Variants in NADK2 observed in about 807,000 individuals in gnomAD.
NADK2 encodes the protein NAD kinase domain-containing protein 1, mitochondrial.
A neutral mutation model predicts 62.1 loss-of-function variants in NADK2; 35 were observed. That is an observed-to-expected ratio of 0.56 (90% CI 0.43 to 0.75). The LOEUF is 0.75. NADK2 is among the 30% of genes least tolerant of loss of function. The pLI is 0.00. For synonymous variants in NADK2, 205 were observed against 207.9 expected, an observed-to-expected ratio of 0.99 and a Z score of 0.12; for missense variants, 439 against 561.3, an observed-to-expected ratio of 0.78 and a Z score of 2.20.
chr5:36,216,388 CTT>C (rs748575978), intron 6 of NADK2, among the ~76,000 whole-genome samples: 150 of 152,176 alleles, frequency 9.9e-4, no homozygotes, highest in Non-Finnish European at 1.2e-3. Context: ...TCTCTTCACT[CTT>C]GTTTCCTTTG....
chr5:36,227,536 TC>T lies in NADK2; in HGVS notation c.329del (p.Gly110AspfsTer13). On this transcript the variant is annotated frameshift_variant, in exon 2 of 12. Transcript: ENST00000381937. LOFTEE classifies it high-confidence loss of function. Reference sequence around the variant, plus strand: ...TGTGAATATGATGTCGTTCAAGAAGTCCACTGTAACTAGAGCCTTTCAATGC... The same window carrying T: ...TGTGAATATGATGTCGTTCAAGAAGTCACTGTAACTAGAGCCTTTCAATGC... ...LLALKGSSYS[G>X]LLERHHIHTK... 6.4e-7 allele frequency: 1 copy of T among 1,557,894 alleles called. No homozygotes were observed. Among genetic ancestry groups the T allele is most frequent in the Non-Finnish European group, 8.7e-7 (1 of 1,151,348 alleles).
At chr5:36,217,196 A>C (rs750599391) in intron 6 of NADK2, among the ~76,000 whole-genome samples, 1 of 152,168 alleles carries the variant, frequency 6.6e-6, no homozygotes, top group South Asian at 2.1e-4. Flanking sequence ...TTGCATCAAT[A>C]AAGTCCTACA....
chr5:36,198,806 G>A (rs1003960269), intron 10 of NADK2, among the ~76,000 whole-genome samples: 2 of 151,780 alleles, frequency 1.3e-5, no homozygotes, highest in African/African-American at 4.8e-5. Context: ...CTCAAATTGA[G>A]TGAAGGAGAC....
At chr5:36,198,070 A>T (rs974847692) in intron 10 of NADK2, among the ~76,000 whole-genome samples, 3 of 148,682 alleles carry the variant, frequency 2.0e-5, no homozygotes, top group African/African-American at 7.3e-5. Flanking sequence ...AACGATGATA[A>T]TAAGCAAACA....
chr5:36,224,050 G>T (rs1747379469), intron 4 of NADK2, among the ~76,000 whole-genome samples: 1 of 152,158 alleles, frequency 6.6e-6, no homozygotes, highest in African/African-American at 2.4e-5. Flanking sequence ...GATAAGGGAA[G>T]CAAAGTGAAT....
At chr5:36,197,768 G>C in intron 10 of NADK2, 104 bp from the exon 11 acceptor site, 2 of 969,138 alleles carry the variant, frequency 2.1e-6, no homozygotes, top group Non-Finnish European at 1.4e-6. Flanking sequence ...TGTTCCAAAA[G>C]TATATTTGGG....
chr5:36,197,511 ACAGT>A lies in NADK2; in HGVS notation c.1190+26_1190+29del, dbSNP rs1216928199. The A allele has an allele frequency of 1.9e-6, 3 of 1,611,588 alleles. No individual in the cohort carries two copies. The South Asian group carries it at 3.3e-5, about 18-fold the overall frequency. ...CTTTGTAACAATGAAAGGGATGAAA[ACAGT>A]CAGAAGTCAGATTGAGGATGCTTAC... On this transcript the variant is annotated intron_variant, in intron 11 of 11. Transcript: ENST00000381937.
intron 11 of NADK2, among the ~76,000 whole-genome samples, 187 bp downstream of exon 11, chr5:36,197,354 A>T (rs933571013): frequency 1.3e-5 from 2 of 152,092 alleles, no homozygotes; most frequent in African/African-American, 4.8e-5. Context: ...TGGCACAATG[A>T]GTGTAAAAGA....
At chr5:36,203,429 G>T (rs546158247) in intron 8 of NADK2, among the ~76,000 whole-genome samples, 1 of 152,074 alleles carries the variant, frequency 6.6e-6, no homozygotes, top group African/African-American at 2.4e-5. Context: ...CATAGCAAAA[G>T]AATCATCAGT....
chr5:36,210,367 C>T (rs1441166204), intron 7 of NADK2, among the ~76,000 whole-genome samples: 4 of 152,112 alleles, frequency 2.6e-5, no homozygotes, highest in Admixed American at 2.6e-4. Flanking sequence ...ACAGCTTCTG[C>T]CGGTAATGAA....
chr5:36,225,509 C>A (rs747488592), intron 4 of NADK2, 33 bp downstream of exon 4: 1 of 1,579,758 alleles, frequency 6.3e-7, no homozygotes, highest in Middle Eastern at 1.7e-4. Context: ...GCACACCACA[C>A]AAATCAAACA....
rs1375499530 is a variant in NADK2 at position 36,205,982 on chromosome 5, T to C, written c.956+1188A>G. On this transcript the variant is annotated intron_variant, in intron 8 of 11. Coordinates refer to ENST00000381937, the MANE Select transcript of NADK2 (RefSeq NM_001085411.3). The surrounding 1 kb of genome is among the most constrained non-coding windows in gnomAD (Gnocchi z 4.1). ...GCAGCCATAAAAAAGAATGAGTTCA[T>C]GTCCTTTGTAGGGATATGGATGAAG... Among the ~76,000 whole-genome samples the C allele has an allele frequency of 6.6e-6, 1 of 152,168 alleles. No homozygotes were observed. The highest frequency in any genetic ancestry group is 2.4e-5 in the African/African-American group (1 of 41,434).
chr5:36,241,817 C>A lies in NADK2; in HGVS notation c.-19G>T. On this transcript the variant is annotated 5_prime_UTR_variant, in exon 1 of 12. Coordinates refer to ENST00000381937, the MANE Select transcript of NADK2 (RefSeq NM_001085411.3). The surrounding 1 kb of genome is among the most constrained non-coding windows in gnomAD (Gnocchi z 4.9). ...AAGTCATCGTGGGCCGGGCCGCGGC[C>A]GCGGGCTTGGGCTCGGGCCCCTTGC... The A allele has an allele frequency of 1.5e-6, 2 of 1,303,534 alleles. No homozygotes were observed. The highest frequency in any genetic ancestry group is 2.0e-5 in the South Asian group (1 of 50,182). The allele number at this position is 1,303,534 out of a possible 1,614,324, so 80.7% of individuals were successfully genotyped here.
intron 11 of NADK2, among the ~76,000 whole-genome samples, chr5:36,196,889 T>C (rs1746251329): frequency 6.6e-6 from 1 of 152,060 alleles, no homozygotes; most frequent in Non-Finnish European, 1.5e-5. Context: ...ATTAATTGTA[T>C]GTCTATAAAA....
Position 36,193,968 on chromosome 5 carries a change from C to G in NADK2, c.*1176G>C, listed in dbSNP as rs1561050867. On this transcript the variant is annotated 3_prime_UTR_variant, in exon 12 of 12. Transcript: ENST00000381937. ...ATGATTGAACAGAAATTTTCAGCACCAAATGAAAGAAACACATGACTTTGA... is the reference window on the plus strand; with the variant it reads ...ATGATTGAACAGAAATTTTCAGCACGAAATGAAAGAAACACATGACTTTGA... 1 of 152,440 alleles carries G rather than the reference C, an allele frequency of 6.6e-6. No individual in the cohort carries two copies. The highest frequency in any genetic ancestry group is 2.1e-4 in the South Asian group (1 of 4,828). The allele number at this position is 152,440 out of a possible 1,614,324, so 9.4% of individuals were successfully genotyped here.
chr5:36,219,279 C>T (rs1325848515), intron 5 of NADK2, among the ~76,000 whole-genome samples: 1 of 152,112 alleles, frequency 6.6e-6, no homozygotes, highest in Non-Finnish European at 1.5e-5. Context: ...GGCATGATCT[C>T]GGCTCACTGG....
Position 36,241,721 on chromosome 5 carries a change from C to T in NADK2, c.78G>A (p.Pro26=). Reference sequence around the variant, plus strand: ...GCCGCGCGGCGGGGCCTCCCGCACCCGGTCCCCGCAGCGCCGCCGCCCGGC... The same window carrying T: ...GCCGCGCGGCGGGGCCTCCCGCACCTGGTCCCCGCAGCGCCGCCGCCCGGC... The part of the protein sequence containing the change: ...AGGRAAALRG[P]GAGGPAARPR... Residue 26 remains proline, a synonymous_variant, in exon 1 of 12, where the codon CCG becomes CCA. Coordinates refer to ENST00000381937, the MANE Select transcript of NADK2 (RefSeq NM_001085411.3). This position sits in a 1 kb window ranked among gnomAD's most constrained non-coding sequence, Gnocchi z 4.9. 4 of 1,181,742 alleles carry T rather than the reference C, an allele frequency of 3.4e-6. No homozygotes were observed. Among genetic ancestry groups the T allele is most frequent in the Non-Finnish European group, 4.2e-6 (4 of 957,406 alleles). The allele number at this position is 1,181,742 out of a possible 1,614,324, so 73.2% of individuals were successfully genotyped here. A position where few individuals can be genotyped will look rare whatever the true frequency, so the allele number is the denominator to read the frequency against.
Position 36,241,375 on chromosome 5 carries a change from A to G in NADK2, c.300+124T>C, listed in dbSNP as rs1748112287. 7.4e-7 allele frequency: 1 copy of G among 1,344,222 alleles called. No homozygotes were observed. Among genetic ancestry groups the G allele is most frequent in the South Asian group, 1.7e-5 (1 of 59,598 alleles). 83.3% of individuals were successfully genotyped at this position (1,344,222 alleles called of 1,614,324 possible). On this transcript the variant is annotated intron_variant, in intron 1 of 11. Transcript: ENST00000381937. This position sits in a 1 kb window ranked among gnomAD's most constrained non-coding sequence, Gnocchi z 4.9. ...CCAGAGGACCTGGGGGCCGCGAGAGAGGCAGGACCGGCATCTGCGGTGCCC... is the reference window on the plus strand; with the variant it reads ...CCAGAGGACCTGGGGGCCGCGAGAGGGGCAGGACCGGCATCTGCGGTGCCC...
At chr5:36,233,332 T>C (rs927384299) in intron 1 of NADK2, among the ~76,000 whole-genome samples, 3 of 152,160 alleles carry the variant, frequency 2.0e-5, no homozygotes, top group African/African-American at 7.2e-5. Context: ...ACGTCCAAAA[T>C]GCTGAAATCT....
Sources: gnomAD v4.1 joint callset for allele counts (sites outside exome capture counted in the v4.1 genomes callset) on GRCh38, gnomAD v4.1.1 for gene constraint, Gnocchi (gnomAD v3.1) non-coding constraint, MANE v1.5 for transcripts, NCBI Gene and HGNC (gene_info 2026-07-23, HGNC 2026-07-21) for gene names.